Variants in CTNNA3 observed in about 807,000 individuals in gnomAD.
The protein encoded by CTNNA3 is catenin alpha 3, also known as catenin alpha-3.
Under a neutral mutation model 95.7 loss-of-function variants are expected in CTNNA3, and 76 were observed. The ratio of observed to expected loss-of-function variants is 0.79; its 90% CI spans 0.66 to 0.96. CTNNA3 has a LOEUF of 0.96. CTNNA3 is among the 40% of genes least tolerant of loss of function. The pLI is 0.00. For synonymous variants in CTNNA3, 431 were observed against 374.4 expected (o/e 1.15, Z -1.74); for missense variants, 1,191 against 1,089.8 (o/e 1.09, Z -1.31).
intron 7 of CTNNA3, among the ~76,000 whole-genome samples, chr10:67,031,345 G>C (rs1482510103): frequency 1.3e-5 from 2 of 152,124 alleles, no homozygotes; most frequent in Non-Finnish European, 2.9e-5. Flanking sequence ...GTGGTTTGCA[G>C]ATGATAGAAA....
chr10:66,630,127 G>A (rs774754531), intron 9 of CTNNA3, among the ~76,000 whole-genome samples: 7 of 152,146 alleles, frequency 4.6e-5, no homozygotes, highest in Non-Finnish European at 1.0e-4. Context: ...ACACACAGTA[G>A]ACAGTCTATA....
intron 7 of CTNNA3, among the ~76,000 whole-genome samples, chr10:67,005,703 T>TTTTTTTTTTTTTTTTTTA (rs1417141930): frequency 7.3e-6 from 1 of 136,220 alleles, no homozygotes. Context: ...TTTTTTTTTT[T>TTTTTTTTTTTTTTTTTTA]GAGACGGAGT....
At chr10:67,551,497 G>A (rs1841031733) in intron 3 of CTNNA3, among the ~76,000 whole-genome samples, 1 of 152,126 alleles carries the variant, frequency 6.6e-6, no homozygotes, top group Non-Finnish European at 1.5e-5. Context: ...AAGAACCCCA[G>A]GATACAAAAA....
chr10:66,926,355 T>G (rs560799791), intron 7 of CTNNA3: 2 of 622,112 alleles, frequency 3.2e-6, no homozygotes, highest in East Asian at 5.4e-5. Flanking sequence ...AGGAAGATTT[T>G]GATGTTTTGC....
intron 10 of CTNNA3, among the ~76,000 whole-genome samples, chr10:66,567,329 C>T (rs1420330366): frequency 6.6e-6 from 1 of 152,042 alleles, no homozygotes; most frequent in East Asian, 1.9e-4. Context: ...ATCGAGACTT[C>T]ATTTCCCTGG....
intron 7 of CTNNA3, among the ~76,000 whole-genome samples, chr10:67,109,563 G>C (rs1589749849): frequency 1.3e-5 from 2 of 152,322 alleles, no homozygotes; most frequent in Middle Eastern, 6.8e-3. Flanking sequence ...AGAAAATGAA[G>C]GCCAGGCGTG....
chr10:66,944,644 A>G (rs1158858199), intron 7 of CTNNA3, among the ~76,000 whole-genome samples: 1 of 152,222 alleles, frequency 6.6e-6, no homozygotes, highest in African/African-American at 2.4e-5. Flanking sequence ...GAGACTTATA[A>G]AAGGTTTCCA....
At chr10:65,944,566 G>T (rs939214480) in intron 17 of CTNNA3, among the ~76,000 whole-genome samples, 2 of 152,206 alleles carry the variant, frequency 1.3e-5, no homozygotes, top group Non-Finnish European at 2.9e-5. Flanking sequence ...GAGGAGTTTT[G>T]TAGCCGCATC....
intron 16 of CTNNA3, among the ~76,000 whole-genome samples, chr10:65,984,040 G>A (rs994156756): frequency 1.3e-5 from 2 of 151,006 alleles, no homozygotes; most frequent in African/African-American, 4.8e-5. Context: ...ATATAAACAT[G>A]CATTTAAATA....
At chr10:66,861,349 G>A (rs1843917417) in intron 7 of CTNNA3, among the ~76,000 whole-genome samples, 2 of 152,080 alleles carry the variant, frequency 1.3e-5, no homozygotes, top group Admixed American at 1.3e-4. Flanking sequence ...TGTTTTCTCT[G>A]GGTACACCAG....
chr10:67,274,250 GCA>G (rs973104904), intron 5 of CTNNA3, among the ~76,000 whole-genome samples: 43 of 151,974 alleles, frequency 2.8e-4, no homozygotes, highest in Non-Finnish European at 2.9e-5. Context: ...GAGTTACAAA[GCA>G]GATATTAAAT....
intron 7 of CTNNA3, among the ~76,000 whole-genome samples, chr10:66,886,979 G>T (rs1176636583): frequency 6.6e-6 from 1 of 152,134 alleles, no homozygotes; most frequent in Non-Finnish European, 1.5e-5. Flanking sequence ...TAAAGGGAGA[G>T]ATTTTGATTG....
chr10:66,638,105 C>T (rs1845396707), intron 9 of CTNNA3, among the ~76,000 whole-genome samples: 1 of 152,196 alleles, frequency 6.6e-6, no homozygotes, highest in Non-Finnish European at 1.5e-5. Flanking sequence ...TCTCACATTT[C>T]CAAGAAAAAG....
intron 7 of CTNNA3, among the ~76,000 whole-genome samples, chr10:67,142,640 A>G (rs976092417): frequency 2.0e-5 from 3 of 152,166 alleles, no homozygotes; most frequent in Non-Finnish European, 4.4e-5. Flanking sequence ...TTATTTTAAA[A>G]ATATTGCTAA....
intron 11 of CTNNA3, among the ~76,000 whole-genome samples, chr10:66,429,274 C>T (rs192768176): frequency 1.3e-5 from 2 of 151,854 alleles, no homozygotes; most frequent in East Asian, 1.9e-4. Context: ...AGCTTACCAA[C>T]AAAAAAAGTC....
chr10:67,025,129 C>CAAAAA (rs1206262968), intron 7 of CTNNA3, among the ~76,000 whole-genome samples: 1 of 25,358 alleles, frequency 3.9e-5, no homozygotes, highest in African/African-American at 6.6e-5. Context: ...AAAACTCTGT[C>CAAAAA]AAAAACAAAA....
chr10:66,536,534 A>G (rs954356385), intron 10 of CTNNA3, among the ~76,000 whole-genome samples: 3 of 152,038 alleles, frequency 2.0e-5, no homozygotes, highest in Admixed American at 1.3e-4. Context: ...ACAAATAAAG[A>G]AATGCATCCA....
At chr10:66,292,453 G>A (rs771996257) in intron 12 of CTNNA3, among the ~76,000 whole-genome samples, 35 of 152,080 alleles carry the variant, frequency 2.3e-4, no homozygotes, top group Non-Finnish European at 4.4e-5. Context: ...TTATCATTAA[G>A]TTATCATTGA....
At chr10:67,160,749 A>G (rs573250196) in intron 7 of CTNNA3, among the ~76,000 whole-genome samples, 2 of 152,262 alleles carry the variant, frequency 1.3e-5, no homozygotes, top group East Asian at 3.9e-4. Flanking sequence ...CGGCATCATT[A>G]TTTACAATAT....
Sources: gnomAD v4.1 joint callset for allele counts (sites outside exome capture counted in the v4.1 genomes callset) on GRCh38, gnomAD v4.1.1 for gene constraint, MANE v1.5 for transcripts, NCBI Gene and HGNC (gene_info 2026-07-23, HGNC 2026-07-21) for gene names.